Variants in CEACAM21 observed in about 807,000 individuals in gnomAD.
CEACAM21 encodes CEA cell adhesion molecule 21, also known as cell adhesion molecule CEACAM21.
Under a neutral mutation model 33.2 loss-of-function variants are expected in CEACAM21, and 38 were observed. The observed-to-expected ratio is 1.14, with a 90% CI of 0.88 to 1.50. CEACAM21 has a LOEUF of 1.50. Among genes scored for constraint, CEACAM21 ranks in the 40% most tolerant of loss-of-function variants. The pLI is 0.00. For missense variants in CEACAM21, 385 were observed against 364.6 expected (o/e 1.06, Z -0.46); for synonymous variants, 156 against 143.0 (o/e 1.09, Z -0.65).
At chr19:41,550,401 A>T (rs923749154) in intron 1 of CEACAM21, 3 of 152,244 alleles carry the variant, frequency 2.0e-5, no homozygotes, top group Non-Finnish European at 2.9e-5. Context: ...AGCAGCATGA[A>T]TATGCACAGA....
rs1555794395 is a variant in CEACAM21, at chr19:41,584,353, A to G, written c.707A>G (p.Asp236Gly). The G allele has an allele frequency of 3.7e-6, 6 of 1,610,630 alleles. No homozygotes were observed. The highest frequency in any genetic ancestry group is 2.2e-5 in the South Asian group (2 of 90,434). The change falls in exon 4 of 7, where the codon GAC (aspartate) becomes GGC (glycine). Residue 236 changes from aspartate (D) to glycine (G), a missense_variant. By Grantham distance (94) the Asp-to-Gly change is moderately conservative. Transcript: ENST00000401445. Reference sequence around the variant, plus strand: ...CTTTGCCTTCTTCTTTCAGCAGATGACAACACTCTAGGCATCCTGATCGGG... The same window carrying G: ...CTTTGCCTTCTTCTTTCAGCAGATGGCAACACTCTAGGCATCCTGATCGGG... ...DPLKLTVKSDDNTLGILIGVL... is the reference protein window; with the variant it reads ...DPLKLTVKSDGNTLGILIGVL...
rs546073397 is a variant in CEACAM21 at position 41,581,526 on chromosome 19, C to T, written c.700+1898C>T. On this transcript the variant is annotated intron_variant, in intron 3 of 6. Coordinates refer to ENST00000401445, the MANE Select transcript of CEACAM21 (RefSeq NM_001098506.4). ...TAGCACTGCTGGGTTAGGATCTCCG[C>T]GACCGAGCTGGTCTTGGCTGCTGAT... Among the ~76,000 whole-genome samples the T allele has an allele frequency of 4.2e-4, 64 of 152,236 alleles. 2 individuals carry two copies. In the South Asian group the frequency reaches 8.1e-3, roughly 19 times the overall value.
chr19:41,560,798 C>T (rs1217381960), intron 1 of CEACAM21, among the ~76,000 whole-genome samples: 1 of 152,138 alleles, frequency 6.6e-6, no homozygotes, highest in Non-Finnish European at 1.5e-5. Flanking sequence ...ATGCTAAAAA[C>T]TCAGTAAACC....
At chr19:41,570,032 C>T (rs782253441) in intron 2 of CEACAM21, among the ~76,000 whole-genome samples, 3 of 152,198 alleles carry the variant, frequency 2.0e-5, no homozygotes, top group Non-Finnish European at 4.4e-5. Context: ...GCGGGCCCCA[C>T]AGCTGTCAGG....
intron 3 of CEACAM21, 80 bp from the exon 4 acceptor site, chr19:41,584,267 C>A: frequency 8.3e-7 from 1 of 1,206,260 alleles, no homozygotes; most frequent in East Asian, 2.5e-5. Flanking sequence ...CCTCCCTGAC[C>A]ATGCCCCTGC....
At chr19:41,575,794 C>T (rs549759244), upstream of CEACAM21, among the ~76,000 whole-genome samples, 15 of 152,310 alleles carry the variant, frequency 9.8e-5, no homozygotes, top group East Asian at 2.7e-3. Flanking sequence ...CCCTTTCTAG[C>T]CCCCAGAGCC....
At chr19:41,559,314 A>G (rs2041727807) in intron 1 of CEACAM21, among the ~76,000 whole-genome samples, 1 of 152,248 alleles carries the variant, frequency 6.6e-6, no homozygotes, top group Non-Finnish European at 1.5e-5. Context: ...CATTTCAAAT[A>G]AAACATCATG....
At chr19:41,562,572 A>C (rs1381310491) in intron 1 of CEACAM21, among the ~76,000 whole-genome samples, 1 of 152,190 alleles carries the variant, frequency 6.6e-6, no homozygotes, top group East Asian at 1.9e-4. Context: ...CACCAAAAAC[A>C]TGAGAGAAAT....
intron 2 of CEACAM21, 109 bp from the exon 3 acceptor site, chr19:41,579,244 C>T (rs1264495421): frequency 3.8e-6 from 6 of 1,574,042 alleles, no homozygotes; most frequent in Non-Finnish European, 5.2e-6. Flanking sequence ...TCCTCCCTGT[C>T]CTTCATCTTT....
At chr19:41,573,986 C>T (rs2042770749), upstream of CEACAM21, among the ~76,000 whole-genome samples, 3 of 152,172 alleles carry the variant, frequency 2.0e-5, no homozygotes, top group South Asian at 6.2e-4. Context: ...GTGCTTCTGG[C>T]ACAAGAATGC....
intron 2 of CEACAM21, among the ~76,000 whole-genome samples, chr19:41,570,793 G>T (rs1482577837): frequency 2.0e-5 from 3 of 152,180 alleles, no homozygotes; most frequent in African/African-American, 4.8e-5. Flanking sequence ...GCTCCAGTAA[G>T]GGCAAGGGCG....
intron 1 of CEACAM21, among the ~76,000 whole-genome samples, chr19:41,576,637 T>C (rs565050902): frequency 5.9e-5 from 9 of 152,310 alleles, no homozygotes; most frequent in Non-Finnish European, 8.8e-5. Context: ...TGAAACTCTG[T>C]CTTCATCTGC....
At chr19:41,569,662 G>T (rs551077664) in intron 2 of CEACAM21, among the ~76,000 whole-genome samples, 7 of 152,096 alleles carry the variant, frequency 4.6e-5, no homozygotes, top group Non-Finnish European at 8.8e-5. Flanking sequence ...AGAGAGCCCT[G>T]GCCAGGCTGA....
In CEACAM21 at chr19:41,584,431, G is replaced by A. The variant is rs782306284; in HGVS notation, c.785G>A (p.Arg262Gln). Residue 262 changes from arginine to glutamine, a missense_variant, in exon 4 of 7, where the codon CGA (arginine) becomes CAA (glutamine). By Grantham distance (43) the Arg-to-Gln change is conservative (BLOSUM62 1). Transcript: ENST00000401445. ...GCACTTGTGTGTTTCCTGCTCCTCC[G>A]AAAAACTGGCAGGTACCACAGCTTT... ...VAALVCFLLL[R>Q]KTGRASDQSD... 88 of 1,605,660 alleles carry A rather than the reference G, an allele frequency of 5.5e-5. 1 individual carries two copies. Among genetic ancestry groups the A allele is most frequent in the East Asian group, 9.0e-5 (4 of 44,636 alleles).
chr19:41,576,834 T>G (rs1020912993), intron 1 of CEACAM21, among the ~76,000 whole-genome samples: 4 of 151,962 alleles, frequency 2.6e-5, no homozygotes, highest in Admixed American at 2.6e-4. Flanking sequence ...ATCTAGAATG[T>G]GAGGTCAGGT....
At position 41,563,799 on chromosome 19, in the gene CEACAM21, G is replaced by A. The variant is rs114006418; in HGVS notation, c.-778-883G>A. ...CTGGACGCCATTTCCCTGGACAAGG[G>A]GCTCTCAGCACAGGACCTAGGCAGT... On this transcript the variant is annotated intron_variant, in intron 1 of 7. Transcript: ENST00000407170. 4.2e-3 allele frequency among the ~76,000 whole-genome samples: 636 copies of A among 152,342 alleles called. 7 individuals carry two copies. The highest frequency in any genetic ancestry group is 0.015 in the African/African-American group (607 of 41,572).
At chr19:41,575,175 G>T (rs2122214276), upstream of CEACAM21, among the ~76,000 whole-genome samples, 1 of 144,598 alleles carries the variant, frequency 6.9e-6, no homozygotes, top group East Asian at 2.3e-4. Flanking sequence ...GCTACCAGTG[G>T]GTGGGGCAGG....
intron 3 of CEACAM21, 53 bp downstream of exon 3, chr19:41,579,681 G>A (rs529663997): frequency 0.035 from 44,016 of 1,266,622 alleles, 967 homozygotes; most frequent in Non-Finnish European, 0.04. Flanking sequence ...TTCCTAGGAG[G>A]GAGGGGGGGT....
At chr19:41,572,058 A>G (rs1555789643), upstream of CEACAM21, among the ~76,000 whole-genome samples, 3 of 152,152 alleles carry the variant, frequency 2.0e-5, no homozygotes, top group Non-Finnish European at 4.4e-5. Context: ...ATGCATTAAT[A>G]TTCAGAAAGA....
Sources: allele counts gnomAD v4.1 joint callset (sites outside exome capture counted in the v4.1 genomes callset), GRCh38; gene constraint gnomAD v4.1.1; transcripts MANE v1.5; gene names NCBI Gene and HGNC (gene_info 2026-07-23, HGNC 2026-07-21).